The following LIMK2 variants were observed in gnomAD, a reference collection of about 807,000 sequenced individuals.
LIMK2 encodes LIM domain kinase 2.
LIMK2 carries 35 observed loss-of-function variants against 75.7 expected under a neutral mutation model. The observed-to-expected ratio is 0.46, with a 90% CI of 0.35 to 0.61. The LOEUF (loss-of-function observed/expected upper bound fraction) is 0.61. Among genes scored for constraint, LIMK2 ranks in the 20% least tolerant of loss-of-function variants. The pLI is 0.00. For missense variants in LIMK2, 623 were observed against 831.0 expected (o/e 0.75, Z 3.08); for synonymous variants, 301 against 319.2 (o/e 0.94, Z 0.61).
In LIMK2 at chr22:31,265,967, G is replaced by A; in HGVS notation, c.876G>A (p.Lys292=). ...RSLRRSNSIS[K]SPGPSSPKEP... ...TCAGGCGCAGTAACAGTATCTCCAA[G>A]TCCCCTGGCCCCAGCTCCCCAAAGG... The change falls in exon 8 of 16, where the codon AAG becomes AAA. Residue 292 remains lysine (K), a synonymous_variant. Coordinates refer to ENST00000331728, the MANE Select transcript of LIMK2 (RefSeq NM_005569.4). The A allele has an allele frequency of 6.2e-7, 1 of 1,614,064 alleles. No homozygotes were observed. The highest frequency in any genetic ancestry group is 8.5e-7 in the Non-Finnish European group (1 of 1,180,018).
chr22:31,250,043 G>A (rs1010688318), intron 2 of LIMK2, among the ~76,000 whole-genome samples: 7 of 152,112 alleles, frequency 4.6e-5, no homozygotes, highest in African/African-American at 2.4e-5. Context: ...GGGGCTGCAG[G>A]TTTGTTTTCT....
chr22:31,241,418 G>A (rs546243642), intron 2 of LIMK2, among the ~76,000 whole-genome samples: 2 of 152,242 alleles, frequency 1.3e-5, no homozygotes, highest in South Asian at 2.1e-4. Flanking sequence ...GTACTCCATT[G>A]ATGACTCACC....
chr22:31,254,990 A>G (rs994035461), intron 2 of LIMK2, among the ~76,000 whole-genome samples: 2 of 152,072 alleles, frequency 1.3e-5, no homozygotes, highest in Admixed American at 6.5e-5. Flanking sequence ...AAAAATCCTC[A>G]CTGCTACCTT....
rs2048890976 is a variant in LIMK2, at chr22:31,266,012, T to C, written c.921T>C (p.Arg307=). 2 of 1,614,166 alleles carry C rather than the reference T, an allele frequency of 1.2e-6. No individual in the cohort carries two copies. The highest frequency in any genetic ancestry group is 8.5e-7 in the Non-Finnish European group (1 of 1,180,014). The change falls in exon 8 of 16, where the codon CGT becomes CGC. Residue 307 remains arginine (R), a synonymous_variant. Transcript: ENST00000331728. The part of the protein sequence containing the change: ...SSPKEPLLFS[R]DISRSESLRC... ...CAAAGGAGCCCCTGCTGTTCAGCCG[T>C]GACATCAGCCGCTCAGAATCCCTTC...
chr22:31,273,561 T>C, intron 14 of LIMK2, 54 bp downstream of exon 14: 1 of 1,454,252 alleles, frequency 6.9e-7, no homozygotes, highest in Non-Finnish European at 9.7e-7. Flanking sequence ...CAGCTCTGCC[T>C]TCCCTCGGAA....
At position 31,214,106 on chromosome 22, in the gene LIMK2, C is replaced by T. The variant is rs551548792; in HGVS notation, c.16+1682C>T. 1.2e-3 allele frequency among the ~76,000 whole-genome samples: 190 copies of T among 152,196 alleles called. 2 individuals are homozygous for T. Among genetic ancestry groups the T allele is most frequent in the South Asian group, 6.6e-3 (32 of 4,830 alleles). ...TGCTGGGATTACAGGCGTGAGCCAC[C>T]GCACCCGGCCGATTTCCAGTAACTT... On this transcript the variant is annotated intron_variant, in intron 1 of 15. Coordinates refer to ENST00000331728, the MANE Select transcript of LIMK2 (RefSeq NM_005569.4).
intron 2 of LIMK2, chr22:31,248,874 T>C (rs534521364): frequency 1.6e-6 from 2 of 1,263,546 alleles, no homozygotes; most frequent in South Asian, 1.2e-5. Context: ...TACCATCGGT[T>C]CTGCCGGGCA....
chr22:31,265,511 C>T (rs887771638), intron 7 of LIMK2, among the ~76,000 whole-genome samples: 2 of 151,946 alleles, frequency 1.3e-5, no homozygotes, highest in Admixed American at 1.3e-4. Flanking sequence ...GCACTCCAGC[C>T]TGGTTGACAG....
chr22:31,213,433 G>A (rs1036269757), intron 1 of LIMK2, among the ~76,000 whole-genome samples: 1 of 152,228 alleles, frequency 6.6e-6, no homozygotes, highest in Non-Finnish European at 1.5e-5. Context: ...GAGGTGGAGG[G>A]GGGCTGGCTA....
chr22:31,270,423 C>T (rs1251141727), intron 11 of LIMK2, among the ~76,000 whole-genome samples: 1 of 152,094 alleles, frequency 6.6e-6, no homozygotes, highest in Non-Finnish European at 1.5e-5. Flanking sequence ...AGGAAGAGCT[C>T]CCTGGGTGTG....
chr22:31,265,712 G>A (rs2048887299), intron 7 of LIMK2, among the ~76,000 whole-genome samples: 1 of 152,196 alleles, frequency 6.6e-6, no homozygotes. Context: ...ATTGTTCTAT[G>A]TGTGATGTAT....
chr22:31,275,369 G>A, intron 15 of LIMK2, 61 bp downstream of exon 15: 1 of 1,566,612 alleles, frequency 6.4e-7, no homozygotes. Flanking sequence ...CTCTGTCTAA[G>A]GCCACCCCTG....
At chr22:31,250,462 G>A (rs737809) in intron 2 of LIMK2, among the ~76,000 whole-genome samples, 13,072 of 152,146 alleles carry the variant, frequency 0.086, 860 homozygotes, top group East Asian at 0.4. Flanking sequence ...TCCACCTGCC[G>A]TTTGTCTTGT....
At chr22:31,254,367 C>T (rs2048756022) in intron 2 of LIMK2, among the ~76,000 whole-genome samples, 1 of 152,216 alleles carries the variant, frequency 6.6e-6, no homozygotes, top group Non-Finnish European at 1.5e-5. Context: ...GACCTGGTGA[C>T]CAGGAGCCAT....
At chr22:31,237,458 G>C (rs2048588822) in intron 2 of LIMK2, among the ~76,000 whole-genome samples, 1 of 151,602 alleles carries the variant, frequency 6.6e-6, no homozygotes, top group Non-Finnish European at 1.5e-5. Flanking sequence ...CAGCTACTTA[G>C]GAGACTAAGG....
At chr22:31,212,705 G>A (rs1276153757) in intron 1 of LIMK2, among the ~76,000 whole-genome samples, 2 of 152,140 alleles carry the variant, frequency 1.3e-5, no homozygotes, top group Non-Finnish European at 2.9e-5. Flanking sequence ...GGGAGGAAGA[G>A]ATTCTGGGTC....
rs186402093 is a variant in LIMK2 at position 31,221,455 on chromosome 22, C to A, written c.17-4265C>A. 3.9e-5 allele frequency among the ~76,000 whole-genome samples: 6 copies of A among 152,114 alleles called. No homozygotes were observed. In the East Asian group the frequency reaches 1.2e-3, roughly 29 times the overall value. On this transcript the variant is annotated intron_variant, in intron 1 of 15. Coordinates refer to ENST00000331728, the MANE Select transcript of LIMK2 (RefSeq NM_005569.4). ...TAGTTATGAACTTGATATCTTCGTACCACTTGCCCCAATTATAAATAAATA... is the reference window on the plus strand; with the variant it reads ...TAGTTATGAACTTGATATCTTCGTAACACTTGCCCCAATTATAAATAAATA...
chr22:31,242,673 A>G (rs890755145), intron 2 of LIMK2, among the ~76,000 whole-genome samples: 1 of 152,250 alleles, frequency 6.6e-6, no homozygotes, highest in Non-Finnish European at 1.5e-5. Flanking sequence ...AAAGGATTAG[A>G]CTAAATCTCT....
chr22:31,230,387 A>C, intron 2 of LIMK2, among the ~76,000 whole-genome samples: 1 of 152,166 alleles, frequency 6.6e-6, no homozygotes, highest in African/African-American at 2.4e-5. Context: ...CATGTTAGCA[A>C]GCCAGAGGAC....
Sources: gnomAD v4.1 joint callset for allele counts (sites outside exome capture counted in the v4.1 genomes callset) on GRCh38, gnomAD v4.1.1 for gene constraint, MANE v1.5 for transcripts, NCBI Gene and HGNC (gene_info 2026-07-23, HGNC 2026-07-21) for gene names.